Variants in GFRA2 observed in about 807,000 individuals in gnomAD.
The protein encoded by GFRA2 is GDNF family receptor alpha 2, also known as GDNF family receptor alpha-2.
GFRA2 carries 17 observed loss-of-function variants against 48.3 expected under a neutral mutation model. The observed-to-expected ratio is 0.35, with a 90% CI of 0.24 to 0.53. The LOEUF is 0.53. Ranked by LOEUF, GFRA2 falls within the 20% of genes least tolerant of loss-of-function variation. The probability of loss-of-function intolerance (pLI) is 0.93; values close to 1 mark genes in which losing one functional copy is unlikely to be tolerated. For synonymous variants in GFRA2, 305 were observed against 257.2 expected, an observed-to-expected ratio of 1.19 and a Z score of -1.78; for missense variants, 660 against 637.3, an observed-to-expected ratio of 1.04 and a Z score of -0.38.
At chr8:21,806,866 T>G (rs1339141360) in intron 1 of GFRA2, among the ~76,000 whole-genome samples, 3 of 152,174 alleles carry the variant, frequency 2.0e-5, no homozygotes, top group Non-Finnish European at 2.9e-5. Flanking sequence ...AAGTAAACTT[T>G]TTGTATCCAC....
chr8:21,768,307 C>A (rs1190993557), intron 3 of GFRA2, among the ~76,000 whole-genome samples: 6 of 152,220 alleles, frequency 3.9e-5, no homozygotes, highest in Admixed American at 1.3e-4. Context: ...CATGCTTCTG[C>A]ATTCGGCTCA....
In GFRA2 at chr8:21,785,839, G is replaced by T. The variant is rs1299803350; in HGVS notation, c.40+2281C>A. On this transcript the variant is annotated intron_variant, in intron 1 of 8. Coordinates refer to ENST00000524240, the MANE Select transcript of GFRA2 (RefSeq NM_001495.5). ...CAGTAGGGGCACACCAAAGGCCTTT[G>T]CCCCCAGCTGAAATTGCCCACCAAG... Among the ~76,000 whole-genome samples the T allele has an allele frequency of 2.0e-5, 3 of 152,178 alleles. No homozygotes were observed. In the East Asian group the frequency reaches 5.8e-4, roughly 29 times the overall value.
chr8:21,775,149 G>A (rs1806633725), intron 2 of GFRA2, 94 bp from the exon 3 acceptor site: 1 of 712,030 alleles, frequency 1.4e-6, no homozygotes, highest in African/African-American at 1.7e-5. Context: ...CTCTACCAGG[G>A]GAAAGCTCGT....
rs10674628 is a variant in GFRA2, at chr8:21,714,246, C to CTTT, written c.795-8208_795-8206dup. 1.5e-3 allele frequency among the ~76,000 whole-genome samples: 115 copies of CTTT among 78,392 alleles called. 20 individuals carry two copies. The highest frequency in any genetic ancestry group is 4.5e-3 in the African/African-American group (86 of 19,296). The allele number at this position is 78,392 out of a possible 152,430, so 51.4% of individuals were successfully genotyped here. ...GATCAATACATACTGGTCTGAAGTT[C>CTTT]TTTTTTTTTTTTTTTTTTTTTTTGA... On this transcript the variant is annotated intron_variant, in intron 4 of 8. Transcript: ENST00000524240.
At chr8:21,749,122 C>T (rs1250063444) in intron 4 of GFRA2, among the ~76,000 whole-genome samples, 2 of 152,132 alleles carry the variant, frequency 1.3e-5, no homozygotes, top group Non-Finnish European at 2.9e-5. Flanking sequence ...GGACCAAGAA[C>T]TGCACACAAC....
In GFRA2 at chr8:21,750,842, G is replaced by C; in HGVS notation, c.540C>G (p.Ser180=). ...TCTCGCGGTTGCAGATGGAGATGTA[G>C]GAGGAGCGCAGCTTCTTGCAGTTGT... The part of the protein sequence containing the change: ...LNDNCKKLRS[S]YISICNREIS... Residue 180 remains serine, a synonymous_variant, in exon 4 of 9, where the codon TCC becomes TCG. Transcript: ENST00000524240. This position sits in a 1 kb window ranked among gnomAD's most constrained non-coding sequence, Gnocchi z 5.7. The C allele has an allele frequency of 1.2e-6, 2 of 1,613,986 alleles. No individual in the cohort carries two copies. Among genetic ancestry groups the C allele is most frequent in the Non-Finnish European group, 1.7e-6 (2 of 1,179,882 alleles).
At chr8:21,765,288 T>G (rs956292884) in intron 3 of GFRA2, among the ~76,000 whole-genome samples, 2 of 151,932 alleles carry the variant, frequency 1.3e-5, no homozygotes, top group African/African-American at 4.8e-5. Context: ...TTTTTGTGTA[T>G]TTTGTAGAGG....
Position 21,702,897 on chromosome 8 carries a change from G to A in GFRA2, c.1126C>T (p.Pro376Ser). ...KGPSFQATQA[P>S]RVEKTPSLPD... ...AAAGAAGGCGTCTTCTCCACCCGAG[G>A]GGCCTGGGTGGCCTGGAACGAGGGG... Residue 376 changes from proline (P) to serine (S), a missense_variant, in exon 7 of 9, where the codon CCT becomes TCT. Physicochemically the swap from Pro to Ser is moderately conservative, Grantham distance 74 (BLOSUM62 -1). Coordinates refer to ENST00000524240, the MANE Select transcript of GFRA2 (RefSeq NM_001495.5). 1 of 1,600,776 alleles carries A rather than the reference G, an allele frequency of 6.2e-7. No homozygotes were observed. Among genetic ancestry groups the A allele is most frequent in the South Asian group, 1.1e-5 (1 of 89,196 alleles).
At chr8:21,715,781 C>T (rs1002879376) in intron 4 of GFRA2, among the ~76,000 whole-genome samples, 4 of 152,144 alleles carry the variant, frequency 2.6e-5, no homozygotes, top group Admixed American at 2.6e-4. Context: ...TTCTAAGATA[C>T]AACAGATGTG....
chr8:21,780,056 C>CT (rs147236279), intron 2 of GFRA2, among the ~76,000 whole-genome samples: 2,552 of 145,594 alleles, frequency 0.018, 37 homozygotes, highest in African/African-American at 0.046. Context: ...CCTCTCCCAT[C>CT]TTTTTTTTTT....
At chr8:21,762,548 C>T (rs761445726) in intron 3 of GFRA2, among the ~76,000 whole-genome samples, 18 of 152,188 alleles carry the variant, frequency 1.2e-4, no homozygotes, top group Admixed American at 7.2e-4. Flanking sequence ...TGGAAGCAGG[C>T]TAACCCGCCA....
chr8:21,729,223 G>C (rs565399608), intron 4 of GFRA2, among the ~76,000 whole-genome samples: 16 of 152,294 alleles, frequency 1.1e-4, no homozygotes, highest in Middle Eastern at 3.4e-3. Flanking sequence ...CCAGCTACTC[G>C]GGAGGCTGAG....
At chr8:21,788,950 C>A (rs1807425331), upstream of GFRA2, 4 of 318,296 alleles carry the variant, frequency 1.3e-5, no homozygotes, top group South Asian at 2.2e-4. Flanking sequence ...TCTCCCTTCG[C>A]GGCTCCCTCG....
intron 4 of GFRA2, among the ~76,000 whole-genome samples, chr8:21,712,958 T>C (rs1443248719): frequency 1.4e-5 from 2 of 147,012 alleles, no homozygotes. Flanking sequence ...ATGGCAGCAG[T>C]ACAGTCCAGC....
chr8:21,712,568 G>A (rs1313757239), intron 4 of GFRA2, among the ~76,000 whole-genome samples: 27 of 151,188 alleles, frequency 1.8e-4, no homozygotes, highest in Non-Finnish European at 2.4e-4. Flanking sequence ...GACGATGGGC[G>A]GCCAGGCAGA....
intron 3 of GFRA2, among the ~76,000 whole-genome samples, chr8:21,757,957 A>G (rs946147538): frequency 2.2e-4 from 34 of 152,332 alleles, no homozygotes; most frequent in African/African-American, 7.9e-4. Flanking sequence ...ATAAAAATAC[A>G]TATTCGTCGG....
At chr8:21,700,435 T>C (rs936884200) in intron 7 of GFRA2, among the ~76,000 whole-genome samples, 1 of 152,152 alleles carries the variant, frequency 6.6e-6, no homozygotes, top group Non-Finnish European at 1.5e-5. Context: ...CTGGCTCTAC[T>C]GTGGTGGCGT....
chr8:21,791,964 G>A (rs1200901808), upstream of GFRA2, among the ~76,000 whole-genome samples: 1 of 152,214 alleles, frequency 6.6e-6, no homozygotes, highest in African/African-American at 2.4e-5. Context: ...ATTCCGTAGT[G>A]CCTGAGTCCT....
intron 4 of GFRA2, among the ~76,000 whole-genome samples, chr8:21,713,490 C>G (rs544744386): frequency 6.6e-6 from 1 of 152,114 alleles, no homozygotes; most frequent in African/African-American, 2.4e-5. Context: ...GCCACCACAC[C>G]CAGCTTGGCA....
Sources: gnomAD v4.1 joint callset for allele counts (sites outside exome capture counted in the v4.1 genomes callset) on GRCh38, gnomAD v4.1.1 for gene constraint, Gnocchi (gnomAD v3.1) non-coding constraint, MANE v1.5 for transcripts, NCBI Gene and HGNC (gene_info 2026-07-23, HGNC 2026-07-21) for gene names.